The following SYNE1 variants were observed in gnomAD, a reference collection of about 807,000 sequenced individuals.
SYNE1 encodes the protein spectrin repeat containing nuclear envelope protein 1, also known as nesprin-1.
A neutral mutation model predicts 1,111.0 loss-of-function variants in SYNE1; 616 were observed. The observed-to-expected ratio is 0.55, with a 90% CI of 0.52 to 0.59. The LOEUF is 0.59. Among genes scored for constraint, SYNE1 ranks in the 20% least tolerant of loss-of-function variants. The pLI is 0.00. For synonymous variants in SYNE1, 3,855 were observed against 3,825.8 expected (o/e 1.01, Z -0.28); for missense variants, 10,006 against 10,417.0 (o/e 0.96, Z 1.72).
intron 55 of SYNE1, among the ~76,000 whole-genome samples, chr6:152,383,444 C>T (rs2097462167): frequency 6.6e-6 from 1 of 152,200 alleles, no homozygotes; most frequent in Admixed American, 6.5e-5. Flanking sequence ...GGTTGCCCAA[C>T]AGCCTCATTG....
chr6:152,170,878 C>T (rs952031612), intron 130 of SYNE1, among the ~76,000 whole-genome samples: 2 of 152,126 alleles, frequency 1.3e-5, no homozygotes, highest in East Asian at 3.9e-4. Flanking sequence ...TGGAAGGGAC[C>T]CGATGGGAGA....
Position 152,323,469 on chromosome 6 carries a change from C to G in SYNE1, c.15917+9G>C, listed in dbSNP as rs779265988. On this transcript the variant is annotated intron_variant, in intron 82 of 145. Transcript: ENST00000367255. ...ACAAACAAAAGAATGAAAGTAGGTG[C>G]TTAATTACTTCAGGCACCGATCTTG... 1 of 1,612,198 alleles carries G rather than the reference C, an allele frequency of 6.2e-7. No individual in the cohort carries two copies. The highest frequency in any genetic ancestry group is 8.5e-7 in the Non-Finnish European group (1 of 1,180,002).
Position 152,339,491 on chromosome 6 carries a change from T to C in SYNE1, c.12226-125A>G, listed in dbSNP as rs1403399489. Reference sequence around the variant, plus strand: ...CTTGCTATGCTCAGTGTTTTCACCATTGTGTTCAAGTGACATATATTAGTG... The same window carrying C: ...CTTGCTATGCTCAGTGTTTTCACCACTGTGTTCAAGTGACATATATTAGTG... On this transcript the variant is annotated intron_variant, in intron 74 of 145. Coordinates refer to ENST00000367255, the MANE Select transcript of SYNE1 (RefSeq NM_182961.4). 7.2e-6 allele frequency: 10 copies of C among 1,384,626 alleles called. No homozygotes were observed. In the East Asian group the frequency reaches 2.3e-4, roughly 32 times the overall value. The allele number at this position is 1,384,626 out of a possible 1,614,324, so 85.8% of individuals were successfully genotyped here.
At chr6:152,274,442 C>T (rs1484480478) in intron 98 of SYNE1, among the ~76,000 whole-genome samples, 1 of 149,076 alleles carries the variant, frequency 6.7e-6, no homozygotes, top group Admixed American at 6.7e-5. Context: ...AGTTTCTTCC[C>T]TGTTTGTCTA....
intron 130 of SYNE1, chr6:152,167,919 C>A (rs1300432648): frequency 2.6e-6 from 2 of 766,102 alleles, no homozygotes; most frequent in Non-Finnish European, 2.4e-6. Flanking sequence ...GCTCTGCATG[C>A]CCAGTAGAGG....
chr6:152,589,930 CTTTTTTT>C (rs35508645), intron 3 of SYNE1, among the ~76,000 whole-genome samples: 2 of 134,018 alleles, frequency 1.5e-5, no homozygotes, highest in Non-Finnish European at 3.2e-5. Context: ...CTAAACATTT[CTTTTTTT>C]TTTTTTTTTT....
In SYNE1 at chr6:152,364,988, ATC is replaced by A. The variant is rs1304128618; in HGVS notation, c.10002_10003del (p.Glu3334AspfsTer47). On this transcript the variant is annotated frameshift_variant, in exon 63 of 146. Transcript: ENST00000367255. LOFTEE classifies it high-confidence loss of function. ...CCTGGTCACTATCATTTTCATCTGA[ATC>A]TCTTTTTCCTGTTTGACTGATAATA... 2 of 1,614,056 alleles carry A rather than the reference ATC, an allele frequency of 1.2e-6. No homozygotes were observed. The highest frequency in any genetic ancestry group is 1.7e-6 in the Non-Finnish European group (2 of 1,180,022).
At chr6:152,610,366 C>T (rs985202877) in intron 3 of SYNE1, among the ~76,000 whole-genome samples, 6 of 151,852 alleles carry the variant, frequency 4.0e-5, no homozygotes, top group South Asian at 4.2e-4. Flanking sequence ...CTTCAATAGC[C>T]GATTCGATCA....
chr6:152,206,328 CTGCCT>C lies in SYNE1; in HGVS notation c.22854_22858del (p.Gly7619LeufsTer20). On this transcript the variant is annotated frameshift_variant, in exon 126 of 146. Transcript: ENST00000367255. LOFTEE classifies it high-confidence loss of function. ...GCCAGCCTCCACAGTCAGGATGTAGCTGCCTTGTTGCCGCAGAAACACTTTTTCTT... is the reference window on the plus strand; with the variant it reads ...GCCAGCCTCCACAGTCAGGATGTAGCTGTTGCCGCAGAAACACTTTTTCTT... The C allele has an allele frequency of 6.2e-7, 1 of 1,614,026 alleles. No individual in the cohort carries two copies. The highest frequency in any genetic ancestry group is 8.5e-7 in the Non-Finnish European group (1 of 1,180,012).
chr6:152,340,904 G>C lies in SYNE1; in HGVS notation c.12226-1538C>G, dbSNP rs565843573. Among the ~76,000 whole-genome samples the C allele has an allele frequency of 9.2e-5, 14 of 152,288 alleles. No homozygotes were observed. The South Asian group carries it at 1.7e-3, about 18-fold the overall frequency. On this transcript the variant is annotated intron_variant, in intron 74 of 145. Transcript: ENST00000367255. ...GAAGATGGCCTGACAGGGGGTGGTG[G>C]CTGAGGTAGTAAGAAGTGGTTCTTG...
At chr6:152,466,275 G>C (rs1311537378) in intron 16 of SYNE1, among the ~76,000 whole-genome samples, 197 bp from the exon 17 acceptor site, 1 of 152,152 alleles carries the variant, frequency 6.6e-6, no homozygotes, top group Non-Finnish European at 1.5e-5. Flanking sequence ...CCACGCTTTT[G>C]ATTCTAACCC....
At chr6:152,463,209 A>G in intron 19 of SYNE1, 144 bp downstream of exon 19, 1 of 1,157,928 alleles carries the variant, frequency 8.6e-7, no homozygotes, top group Admixed American at 2.1e-5. Context: ...ATGAAGAACC[A>G]ACCATAAAAC....
chr6:152,283,834 C>T (rs535455187), intron 96 of SYNE1, 144 bp downstream of exon 96: 31 of 765,358 alleles, frequency 4.1e-5, no homozygotes, highest in Admixed American at 1.6e-4. Context: ...CCCTCCCGGC[C>T]GTGGAGACCA....
At chr6:152,168,432 C>A in intron 130 of SYNE1, 1 of 514,786 alleles carries the variant, frequency 1.9e-6, no homozygotes, top group South Asian at 2.7e-5. Flanking sequence ...GGAATGTAGG[C>A]CACGAGTGTA....
chr6:152,456,066 C>T lies in SYNE1; in HGVS notation c.2569-22G>A, dbSNP rs747896159. ...GTTCCTATAACGAAATGAAACCCCA[C>T]AACAATGTTATTTACAAGACAGAGT... On this transcript the variant is annotated intron_variant, in intron 22 of 145. Transcript: ENST00000367255. 3.7e-6 allele frequency: 6 copies of T among 1,608,936 alleles called. No individual in the cohort carries two copies. In the African/African-American group the frequency reaches 6.7e-5, roughly 18 times the overall value.
chr6:152,326,756 G>C (rs576487551), intron 78 of SYNE1, 123 bp from the exon 79 acceptor site: 6 of 881,710 alleles, frequency 6.8e-6, no homozygotes, highest in Non-Finnish European at 1.1e-5. Flanking sequence ...TAAGTGCATT[G>C]ATAAGTTAGT....
Position 152,337,034 on chromosome 6 carries a change from G to A in SYNE1, c.12352-17C>T, listed in dbSNP as rs199882191. ...TTGTTCAATCTTGAGAAAACACAGAGATAAAAGTTAGCAACCATACATGGA... is the reference window on the plus strand; with the variant it reads ...TTGTTCAATCTTGAGAAAACACAGAAATAAAAGTTAGCAACCATACATGGA... On this transcript the variant is annotated splice_polypyrimidine_tract_variant and intron_variant, in intron 75 of 145. Transcript: ENST00000367255. 6.2e-7 allele frequency: 1 copy of A among 1,611,198 alleles called. No homozygotes were observed. Among genetic ancestry groups the A allele is most frequent in the East Asian group, 2.2e-5 (1 of 44,870 alleles).
Position 152,277,742 on chromosome 6 carries a change from C to T in SYNE1, c.18573+347G>A. The T allele has an allele frequency of 9.0e-6, 3 of 333,368 alleles. No homozygotes were observed. In the South Asian group the frequency reaches 9.6e-5, roughly 11 times the overall value. The allele number at this position is 333,368 out of a possible 1,614,324, so 20.7% of individuals were successfully genotyped here. A position where few individuals can be genotyped will look rare whatever the true frequency, so the allele number is the denominator to read the frequency against. On this transcript the variant is annotated intron_variant, in intron 98 of 145. Coordinates refer to ENST00000367255, the MANE Select transcript of SYNE1 (RefSeq NM_182961.4). ...TTCTTTGACCCACTTCTCCTTATAGCTTATCTCATTCCTCTATATACCACT... is the reference window on the plus strand; with the variant it reads ...TTCTTTGACCCACTTCTCCTTATAGTTTATCTCATTCCTCTATATACCACT...
intron 131 of SYNE1, among the ~76,000 whole-genome samples, chr6:152,160,671 A>C (rs6914354): frequency 0.033 from 5,085 of 152,242 alleles, 297 homozygotes; most frequent in African/African-American, 0.12. Flanking sequence ...GGTACATAGG[A>C]GGTAAAATTT....
Sources: allele counts gnomAD v4.1 joint callset (sites outside exome capture counted in the v4.1 genomes callset), GRCh38; gene constraint gnomAD v4.1.1; transcripts MANE v1.5; gene names NCBI Gene and HGNC (gene_info 2026-07-23, HGNC 2026-07-21).